The following CACNB2 variants were observed in gnomAD, a reference collection of about 807,000 sequenced individuals.
CACNB2 encodes voltage-dependent L-type calcium channel subunit beta-2.
A neutral mutation model predicts 73.3 loss-of-function variants in CACNB2; 42 were observed. The ratio of observed to expected loss-of-function variants is 0.57; its 90% CI spans 0.45 to 0.74. The LOEUF (loss-of-function observed/expected upper bound fraction) is 0.74. Among genes scored for constraint, CACNB2 ranks in the 30% least tolerant of loss-of-function variants. The pLI is 0.00. For synonymous variants in CACNB2, 348 were observed against 310.3 expected, an observed-to-expected ratio of 1.12 and a Z score of -1.28; for missense variants, 940 against 853.0, an observed-to-expected ratio of 1.10 and a Z score of -1.27.
chr10:18,221,079 G>T (rs900622683), intron 2 of CACNB2, among the ~76,000 whole-genome samples: 1 of 152,198 alleles, frequency 6.6e-6, no homozygotes, highest in African/African-American at 2.4e-5. Flanking sequence ...AGTTAGAGAG[G>T]CTCAGAGAAG....
At chr10:18,157,299 C>T (rs921047402) in intron 2 of CACNB2, among the ~76,000 whole-genome samples, 2 of 152,186 alleles carry the variant, frequency 1.3e-5, no homozygotes, top group African/African-American at 4.8e-5. Context: ...CTACATGAGT[C>T]TGAATTCTGG....
At chr10:18,281,658 G>C (rs1159376703) in intron 2 of CACNB2, among the ~76,000 whole-genome samples, 3 of 152,130 alleles carry the variant, frequency 2.0e-5, no homozygotes, top group African/African-American at 7.2e-5. Flanking sequence ...CAAGGACTTA[G>C]TGTAGGTAAT....
At chr10:18,410,229 C>G (rs2044543238) in intron 3 of CACNB2, among the ~76,000 whole-genome samples, 1 of 152,136 alleles carries the variant, frequency 6.6e-6, no homozygotes, top group South Asian at 2.1e-4. Flanking sequence ...GTTCTATATT[C>G]TATGTTTCCA....
At position 18,539,401 on chromosome 10, in the gene CACNB2, A is replaced by G; in HGVS notation, c.1660A>G (p.Thr554Ala). 6.2e-7 allele frequency: 1 copy of G among 1,614,108 alleles called. No homozygotes were observed. The highest frequency in any genetic ancestry group is 8.5e-7 in the Non-Finnish European group (1 of 1,180,018). ...AAGTCGCGGCCTCTCCAGGCAAGAGACATTTGACTCGGAAACCCAGGAGAG... is the reference window on the plus strand; with the variant it reads ...AAGTCGCGGCCTCTCCAGGCAAGAGGCATTTGACTCGGAAACCCAGGAGAG... ...GTSRGLSRQETFDSETQESRD... is the reference protein window; with the variant it reads ...GTSRGLSRQEAFDSETQESRD... The change falls in exon 14 of 14, where the codon ACA becomes GCA. Residue 554 changes from threonine (T) to alanine (A), a missense_variant. Physicochemically the swap from Thr to Ala is moderately conservative, Grantham distance 58. Coordinates refer to ENST00000324631, the MANE Select transcript of CACNB2 (RefSeq NM_201596.3).
intron 2 of CACNB2, among the ~76,000 whole-genome samples, chr10:18,226,112 C>T (rs1779208): frequency 0.65 from 98,985 of 151,518 alleles, 33,596 homozygotes; most frequent in Non-Finnish European, 0.75. Flanking sequence ...CTGCAACCTC[C>T]GCCTCCTGGG....
intron 2 of CACNB2, among the ~76,000 whole-genome samples, chr10:18,365,573 G>A (rs1360602885): frequency 6.6e-6 from 1 of 152,080 alleles, no homozygotes; most frequent in Non-Finnish European, 1.5e-5. Flanking sequence ...AAAACATGAT[G>A]GCTTTCTGGG....
In CACNB2 at chr10:18,244,055, A is replaced by G. The variant is rs570807236; in HGVS notation, c.213+93080A>G. The stretch of plus-strand genomic sequence containing the variant: ...TGCTGCATTGCTGGGGAGAACTAAT[A>G]ATGCAATGTGGCAAGGAAGATGTTG... On this transcript the variant is annotated intron_variant, in intron 2 of 13. Coordinates refer to ENST00000324631, the MANE Select transcript of CACNB2 (RefSeq NM_201596.3). Among the ~76,000 whole-genome samples, 135 of 152,278 alleles carry G rather than the reference A, an allele frequency of 8.9e-4. 1 individual carries two copies. The highest frequency in any genetic ancestry group is 1.2e-3 in the South Asian group (6 of 4,822).
chr10:18,261,127 T>A, intron 2 of CACNB2: 1 of 1,487,088 alleles, frequency 6.7e-7, no homozygotes, highest in Non-Finnish European at 9.0e-7. Flanking sequence ...AGAAACTACC[T>A]AGGAGGCAGA....
chr10:18,286,743 T>G (rs1392856352), intron 2 of CACNB2, among the ~76,000 whole-genome samples: 1 of 152,152 alleles, frequency 6.6e-6, no homozygotes, highest in Non-Finnish European at 1.5e-5. Context: ...TATTGTAATC[T>G]GATGGAAAAA....
chr10:18,302,088 A>C (rs1411950572), intron 2 of CACNB2, among the ~76,000 whole-genome samples: 1 of 152,200 alleles, frequency 6.6e-6, no homozygotes. Flanking sequence ...CAGAATGAAG[A>C]AATAGCATAG....
intron 2 of CACNB2, among the ~76,000 whole-genome samples, chr10:18,263,686 G>C (rs189347649): frequency 6.8e-4 from 104 of 152,260 alleles, no homozygotes; most frequent in African/African-American, 2.3e-3. Flanking sequence ...TTCAAAGAAA[G>C]TTATACTCAT....
chr10:18,347,344 ATTTTTT>A (rs201654242), intron 2 of CACNB2, among the ~76,000 whole-genome samples: 1 of 120,824 alleles, frequency 8.3e-6, no homozygotes, highest in Non-Finnish European at 1.7e-5. Context: ...TGCCCGTCTA[ATTTTTT>A]TTTTTTTTTT....
chr10:18,533,650 T>G (rs1016505096), intron 10 of CACNB2, among the ~76,000 whole-genome samples: 2 of 152,196 alleles, frequency 1.3e-5, no homozygotes, highest in Admixed American at 6.5e-5. Context: ...ACAGGTGACA[T>G]GTAAACATAG....
At chr10:18,278,096 ATTG>A (rs1342565509) in intron 2 of CACNB2, among the ~76,000 whole-genome samples, 2 of 152,224 alleles carry the variant, frequency 1.3e-5, no homozygotes, top group South Asian at 2.1e-4. Context: ...TGTCCTTAAT[ATTG>A]TTGTTATTAT....
chr10:18,512,972 C>A, intron 6 of CACNB2: 1 of 227,288 alleles, frequency 4.4e-6, no homozygotes, highest in East Asian at 1.2e-4. Context: ...ACGCCGGCTG[C>A]AGGTGTTGCA....
chr10:18,452,815 G>C (rs2047079073), intron 3 of CACNB2, among the ~76,000 whole-genome samples: 1 of 152,212 alleles, frequency 6.6e-6, no homozygotes, highest in Non-Finnish European at 1.5e-5. Flanking sequence ...TGCTTTTGCT[G>C]ACTCTAGTCA....
At chr10:18,534,435 G>C (rs2053361476) in intron 11 of CACNB2, among the ~76,000 whole-genome samples, 1 of 152,162 alleles carries the variant, frequency 6.6e-6, no homozygotes, top group Admixed American at 6.5e-5. Context: ...CCTGGAGAGT[G>C]TTGAGACACT....
At chr10:18,243,128 A>G (rs1435686716) in intron 2 of CACNB2, among the ~76,000 whole-genome samples, 1 of 152,204 alleles carries the variant, frequency 6.6e-6, no homozygotes, top group Non-Finnish European at 1.5e-5. Flanking sequence ...AATAAAATTA[A>G]TAAAACAAAT....
Position 18,319,561 on chromosome 10 carries a change from C to G in CACNB2, c.214-82363C>G, listed in dbSNP as rs191667101. Among the ~76,000 whole-genome samples the G allele has an allele frequency of 3.0e-3, 462 of 152,052 alleles. 3 individuals carry two copies. The highest frequency in any genetic ancestry group is 6.8e-3 in the Middle Eastern group (2 of 292). On this transcript the variant is annotated intron_variant, in intron 2 of 13. Transcript: ENST00000324631. ...ACAAGTCACCATGGCACATGCATACCTATGTAACAAACGTGTACATTCTGC... is the reference window on the plus strand; with the variant it reads ...ACAAGTCACCATGGCACATGCATACGTATGTAACAAACGTGTACATTCTGC...
Sources: allele counts gnomAD v4.1 joint callset (sites outside exome capture counted in the v4.1 genomes callset), GRCh38; gene constraint gnomAD v4.1.1; transcripts MANE v1.5; gene names NCBI Gene and HGNC (gene_info 2026-07-23, HGNC 2026-07-21).